Variants in PDE4A observed in about 807,000 individuals in gnomAD.
The protein encoded by PDE4A is 3',5'-cyclic-AMP phosphodiesterase 4A.
PDE4A carries 21 observed loss-of-function variants against 73.9 expected under a neutral mutation model. The ratio of observed to expected loss-of-function variants is 0.28; its 90% CI spans 0.20 to 0.41. The LOEUF (loss-of-function observed/expected upper bound fraction) is 0.41. Among genes scored for constraint, PDE4A ranks in the 10% least tolerant of loss-of-function variants. The pLI is 1.00. For missense variants in PDE4A, 958 were observed against 1,211.4 expected, an observed-to-expected ratio of 0.79 and a Z score of 3.10; for synonymous variants, 463 against 505.4, an observed-to-expected ratio of 0.92 and a Z score of 1.13.
At chr19:10,440,899 A>AT (rs59011127) in intron 1 of PDE4A, among the ~76,000 whole-genome samples, 9,661 of 131,330 alleles carry the variant, frequency 0.074, 1,187 homozygotes, top group African/African-American at 0.25. Flanking sequence ...CGCCCAGCCA[A>AT]TTTTTTTTTT....
intron 6 of PDE4A, among the ~76,000 whole-genome samples, chr19:10,454,201 C>A (rs761608229): frequency 2.0e-5 from 3 of 152,118 alleles, no homozygotes; most frequent in Non-Finnish European, 2.9e-5. Context: ...CTCCCCCTCC[C>A]CTGGGTGATC....
intron 13 of PDE4A, among the ~76,000 whole-genome samples, chr19:10,463,535 G>C (rs1424504005): frequency 6.6e-6 from 1 of 151,552 alleles, no homozygotes; most frequent in East Asian, 1.9e-4. Flanking sequence ...ACTATAGCTG[G>C]GATTACAGGC....
chr19:10,421,443 T>A (rs1426546841), intron 1 of PDE4A: 1 of 619,886 alleles, frequency 1.6e-6, no homozygotes, highest in African/African-American at 2.0e-5. Context: ...GGCACTATAC[T>A]GAGGGCTAGA....
At chr19:10,419,470 G>GC (rs2042621966), upstream of PDE4A, 1 of 152,250 alleles carries the variant, frequency 6.6e-6, no homozygotes, top group Non-Finnish European at 1.5e-5. Flanking sequence ...CCTGAAAAGG[G>GC]CACGGGGGTG....
chr19:10,457,801 G>A (rs1365402929), intron 7 of PDE4A, 78 bp from the exon 8 acceptor site: 2 of 1,580,940 alleles, frequency 1.3e-6, no homozygotes, highest in African/African-American at 1.4e-5. Flanking sequence ...CCCGTACGTG[G>A]TAGTGGGCTG....
chr19:10,430,275 C>T (rs888783556), intron 1 of PDE4A, among the ~76,000 whole-genome samples: 1 of 151,950 alleles, frequency 6.6e-6, no homozygotes, highest in Non-Finnish European at 1.5e-5. Context: ...TCAGGGCACT[C>T]CTGGGGCTTG....
rs201667471 is a variant in PDE4A, at chr19:10,453,343, G to A, written c.784-1486G>A. 4.5e-5 allele frequency: 73 copies of A among 1,610,048 alleles called. No individual in the cohort carries two copies. The African/African-American group carries it at 7.9e-4, about 17-fold the overall frequency. On this transcript the variant is annotated intron_variant, in intron 6 of 14. Transcript: ENST00000380702. This position sits in a 1 kb window ranked among gnomAD's most constrained non-coding sequence, Gnocchi z 4.6. ...TGGTGGGACCAGGTAGGAGAGTGCA[G>A]GGTAGGGGGTGGGCGGGCATCCTGG...
rs938592861 is a variant in PDE4A, at chr19:10,461,729, G to C, written c.1620+49G>C. On this transcript the variant is annotated intron_variant, in intron 12 of 14. Coordinates refer to ENST00000380702, the MANE Select transcript of PDE4A (RefSeq NM_001111307.2). ...GAGCGGGAAAGGAAGCCTAGGAGTC[G>C]AGGGCTTTGGGGAGGAGTGGGTCTG... 12 of 1,604,988 alleles carry C rather than the reference G, an allele frequency of 7.5e-6. No individual in the cohort carries two copies. In the African/African-American group the frequency reaches 8.0e-5, roughly 11 times the overall value.
chr19:10,431,156 T>A (rs1263099370), intron 1 of PDE4A: 13 of 1,065,118 alleles, frequency 1.2e-5, no homozygotes, highest in African/African-American at 1.7e-5. Flanking sequence ...GGGTCTAGGG[T>A]TCGTGGCTCA....
Position 10,468,103 on chromosome 19 carries a change from G to C in PDE4A, c.*482G>C, listed in dbSNP as rs898271981. The C allele has an allele frequency of 6.5e-6, 1 of 152,842 alleles. No individual in the cohort carries two copies. The highest frequency in any genetic ancestry group is 1.5e-5 in the Non-Finnish European group (1 of 68,220). 9.5% of individuals were successfully genotyped at this position (152,842 alleles called of 1,614,324 possible). On this transcript the variant is annotated 3_prime_UTR_variant, in exon 15 of 15. Transcript: ENST00000380702. ...CTTCTGGGCTTTTCTTCTGAATTTAGAGGATTTCTAGAACGTGGTCAGGAA... is the reference window on the plus strand; with the variant it reads ...CTTCTGGGCTTTTCTTCTGAATTTACAGGATTTCTAGAACGTGGTCAGGAA...
At chr19:10,426,518 T>C (rs1342889343) in intron 1 of PDE4A, among the ~76,000 whole-genome samples, 1 of 152,152 alleles carries the variant, frequency 6.6e-6, no homozygotes, top group African/African-American at 2.4e-5. Context: ...TTGCACACCC[T>C]TGCCATAGAC....
At chr19:10,434,264 G>A (rs996604555) in intron 1 of PDE4A, among the ~76,000 whole-genome samples, 27 of 149,642 alleles carry the variant, frequency 1.8e-4, no homozygotes, top group Non-Finnish European at 2.8e-4. Flanking sequence ...GAGTGCAGTG[G>A]AGTGATCTTG....
chr19:10,429,031 G>A (rs1010542584), intron 1 of PDE4A: 21 of 246,990 alleles, frequency 8.5e-5, no homozygotes, highest in African/African-American at 4.9e-4. Flanking sequence ...TTTGAACCTA[G>A]CAAGCAGAGG....
At chr19:10,419,099 CG>C, upstream of PDE4A, 18 of 919,392 alleles carry the variant, frequency 2.0e-5, no homozygotes, top group Non-Finnish European at 2.2e-5. Flanking sequence ...GAGAAGGGCG[CG>C]GGGGGAGGGC....
In PDE4A at chr19:10,467,173, G is replaced by A. The variant is rs2043389982; in HGVS notation, c.2213G>A (p.Gly738Glu). The change falls in exon 15 of 15, where the codon GGA becomes GAA. Residue 738 changes from glycine to glutamate, a missense_variant. This residue lies in a region of PDE4A where 243 missense variants were observed against 245.9 expected (regional missense o/e 0.99). Transcript: ENST00000380702. ...GCCCAAGAGGCATTGACTGCGCAGG[G>A]ATTGTCAGGAGTCGAGGAAGCTCTG... ...CTAQEALTAQ[G>E]LSGVEEALDA... 2 of 1,614,210 alleles carry A rather than the reference G, an allele frequency of 1.2e-6. No homozygotes were observed. The highest frequency in any genetic ancestry group is 2.2e-5 in the East Asian group (1 of 44,882).
intron 1 of PDE4A, chr19:10,432,453 C>G: frequency 1.3e-6 from 2 of 1,486,272 alleles, no homozygotes; most frequent in South Asian, 2.6e-5. Context: ...CGGTGCAGCG[C>G]CCCGGGCCCG....
intron 14 of PDE4A, 149 bp downstream of exon 14, chr19:10,464,124 G>T: frequency 9.6e-7 from 1 of 1,045,136 alleles, no homozygotes; most frequent in Non-Finnish European, 1.4e-6. Context: ...TTGAGACGGA[G>T]TCTCATTCTA....
At chr19:10,443,521 G>T (rs2042965012) in intron 1 of PDE4A, among the ~76,000 whole-genome samples, 1 of 148,226 alleles carries the variant, frequency 6.7e-6, no homozygotes, top group African/African-American at 2.5e-5. Flanking sequence ...CTTCAGTCTG[G>T]GTAAGAGAGT....
At position 10,467,652 on chromosome 19, in the gene PDE4A, C is replaced by T; in HGVS notation, c.*31C>T. 6.7e-7 allele frequency: 1 copy of T among 1,483,386 alleles called. No homozygotes were observed. Among genetic ancestry groups the T allele is most frequent in the South Asian group, 1.3e-5 (1 of 74,764 alleles). 91.9% of individuals were successfully genotyped at this position (1,483,386 alleles called of 1,614,324 possible). On this transcript the variant is annotated 3_prime_UTR_variant, in exon 15 of 15. Coordinates refer to ENST00000380702, the MANE Select transcript of PDE4A (RefSeq NM_001111307.2). ...AGACCTCTGTCCCTGTTCCCCTCCA[C>T]TCCTCCCCTCACTCCCCTGCTCCCC...
Sources: allele counts gnomAD v4.1 joint callset (sites outside exome capture counted in the v4.1 genomes callset), GRCh38; gene constraint gnomAD v4.1.1; regional missense constraint gnomAD v4.1.1; non-coding constraint Gnocchi (gnomAD v3.1); transcripts MANE v1.5; gene names NCBI Gene and HGNC (gene_info 2026-07-23, HGNC 2026-07-21).